SPATA6L: variants seen among roughly 807,000 people sequenced by gnomAD.
The protein encoded by SPATA6L is spermatogenesis associated 6-like protein.
SPATA6L carries 68 observed loss-of-function variants against 49.2 expected under a neutral mutation model. The ratio of observed to expected loss-of-function variants is 1.38; its 90% CI spans 1.14 to 1.69. SPATA6L has a LOEUF of 1.69. SPATA6L is among the 40% of genes most tolerant of loss of function. The pLI is 0.00. For missense variants in SPATA6L, 668 were observed against 464.3 expected (o/e 1.44, Z -4.03); for synonymous variants, 198 against 165.7 (o/e 1.19, Z -1.50).
intron 9 of SPATA6L, among the ~76,000 whole-genome samples, chr9:4,614,849 C>G (rs1827592080): frequency 6.6e-6 from 1 of 152,212 alleles, no homozygotes; most frequent in South Asian, 2.1e-4. Context: ...AAAGAATTTG[C>G]TGCCTCATCA....
At chr9:4,609,574 G>T (rs201622877) in intron 9 of SPATA6L, among the ~76,000 whole-genome samples, 1 of 151,790 alleles carries the variant, frequency 6.6e-6, no homozygotes, top group Non-Finnish European at 1.5e-5. Context: ...ATGCAGAAAA[G>T]GCCTTTGACA....
Position 4,662,418 on chromosome 9 carries a change from G to A in SPATA6L, c.40-382C>T. The stretch of plus-strand genomic sequence containing the variant: ...GAGCATGGAGGGACGGCCGCTGGGC[G>A]TCTCCGCTTCGAGCAGCAGCAGCAG... On this transcript the variant is annotated intron_variant, in intron 1 of 11. Transcript: ENST00000682582. The surrounding 1 kb of genome is among the most constrained non-coding windows in gnomAD (Gnocchi z 4.9). 6.5e-7 allele frequency: 1 copy of A among 1,538,190 alleles called. No individual in the cohort carries two copies. The highest frequency in any genetic ancestry group is 8.7e-7 in the Non-Finnish European group (1 of 1,150,388).
intron 7 of SPATA6L, among the ~76,000 whole-genome samples, chr9:4,619,833 C>T (rs1277426257): frequency 6.6e-6 from 1 of 151,888 alleles, no homozygotes; most frequent in Non-Finnish European, 1.5e-5. Flanking sequence ...GCAAGGATGA[C>T]TAGGAAATGA....
In SPATA6L at chr9:4,604,212, T is replaced by C. The variant is rs746178900; in HGVS notation, c.1147A>G (p.Lys383Glu). 1.2e-6 allele frequency: 2 copies of C among 1,612,366 alleles called. No homozygotes were observed. The highest frequency in any genetic ancestry group is 1.7e-6 in the Non-Finnish European group (2 of 1,178,904). The change falls in exon 11 of 12, where the codon AAA becomes GAA. Residue 383 changes from lysine (K) to glutamate (E), a missense_variant. Physicochemically the swap from Lys to Glu is moderately conservative, Grantham distance 56. Coordinates refer to ENST00000682582, the MANE Select transcript of SPATA6L (RefSeq NM_001353486.2). Reference protein sequence around the residue: ...IIERPSYPLKKYSLHEQRYF With the variant: ...IIERPSYPLKEYSLHEQRYF The stretch of plus-strand genomic sequence containing the variant: ...TATCTCTGTTCATGCAGTGAGTATT[T>C]CTTCAGAGGGTAGCTTGGTCTTTCA...
intron 5 of SPATA6L, chr9:4,626,516 G>A (rs1405999922): frequency 7.7e-7 from 1 of 1,304,312 alleles, no homozygotes; most frequent in Admixed American, 2.3e-5. Context: ...AAGCTTCTGT[G>A]TTCTTGCTGA....
chr9:4,605,836 G>C (rs558072983), intron 9 of SPATA6L, among the ~76,000 whole-genome samples: 2 of 152,330 alleles, frequency 1.3e-5, no homozygotes, highest in East Asian at 3.9e-4. Context: ...AACAGCTCCG[G>C]TCTCCAGCTC....
At chr9:4,642,887 A>T (rs1834344776) in intron 3 of SPATA6L, among the ~76,000 whole-genome samples, 1 of 152,236 alleles carries the variant, frequency 6.6e-6, no homozygotes, top group South Asian at 2.1e-4. Flanking sequence ...TTTATACAGA[A>T]GGAAAGAAAG....
At chr9:4,655,301 T>A (rs1415818077) in intron 3 of SPATA6L, among the ~76,000 whole-genome samples, 1 of 152,242 alleles carries the variant, frequency 6.6e-6, no homozygotes, top group African/African-American at 2.4e-5. Flanking sequence ...GAGCACATGT[T>A]GTATAATCTC....
chr9:4,655,943 C>A, intron 3 of SPATA6L, 98 bp downstream of exon 3: 1 of 936,518 alleles, frequency 1.1e-6, no homozygotes. Context: ...ATTCATCAAA[C>A]ATGAACATAT....
chr9:4,637,059 A>G (rs77019180), intron 3 of SPATA6L, among the ~76,000 whole-genome samples: 90 of 152,300 alleles, frequency 5.9e-4, no homozygotes, highest in Middle Eastern at 3.4e-3. Context: ...GCATTAGAAT[A>G]AAATCTAAGC....
chr9:4,640,326 G>T (rs1477620050), intron 3 of SPATA6L, among the ~76,000 whole-genome samples: 1 of 152,118 alleles, frequency 6.6e-6, no homozygotes, highest in South Asian at 2.1e-4. Flanking sequence ...TCATTCTTTA[G>T]CAGTAAAGCT....
chr9:4,623,375 T>C (rs1397233226), intron 6 of SPATA6L, among the ~76,000 whole-genome samples: 1 of 152,120 alleles, frequency 6.6e-6, no homozygotes, highest in Non-Finnish European at 1.5e-5. Flanking sequence ...AAGGAAAAAT[T>C]GGGTAACATG....
rs370931784 is a variant in SPATA6L at position 4,629,755 on chromosome 9, A to ATGTGTGTGTGTGTGTG, written c.352-588_352-587insCACACACACACACACA. Among the ~76,000 whole-genome samples, 18 of 125,432 alleles carry ATGTGTGTGTGTGTGTG rather than the reference A, an allele frequency of 1.4e-4. 1 individual carries two copies. Among genetic ancestry groups the ATGTGTGTGTGTGTGTG allele is most frequent in the Admixed American group, 4.4e-4 (5 of 11,316 alleles). The allele number at this position is 125,432 out of a possible 152,430, so 82.3% of individuals were successfully genotyped here. ...CTGTCTAAAATATTGTGTTTTATATATGTGTGTGTGTGTGTATATATATAT... is the reference window on the plus strand; with the variant it reads ...CTGTCTAAAATATTGTGTTTTATATATGTGTGTGTGTGTGTGTGTGTGTGTGTGTGTATATATATAT... On this transcript the variant is annotated intron_variant, in intron 4 of 11. Coordinates refer to ENST00000682582, the MANE Select transcript of SPATA6L (RefSeq NM_001353486.2).
intron 4 of SPATA6L, 29 bp downstream of exon 4, chr9:4,635,246 A>G: frequency 2.0e-6 from 3 of 1,489,318 alleles, no homozygotes; most frequent in African/African-American, 1.5e-5. Flanking sequence ...CTCTCCTAAT[A>G]GAAGCCCAGA....
At chr9:4,604,386 G>A (rs969444362) in intron 10 of SPATA6L, 117 bp from the exon 11 acceptor site, 103 of 636,274 alleles carry the variant, frequency 1.6e-4, no homozygotes, top group South Asian at 8.0e-4. Flanking sequence ...GCCGTTATAT[G>A]GGGTTCACTA....
At chr9:4,631,182 T>G (rs1412621453) in intron 4 of SPATA6L, among the ~76,000 whole-genome samples, 1 of 152,224 alleles carries the variant, frequency 6.6e-6, no homozygotes, top group Non-Finnish European at 1.5e-5. Flanking sequence ...TAGCATAACA[T>G]TATACTTTAG....
chr9:4,601,113 G>A (rs1823133819), intron 11 of SPATA6L, among the ~76,000 whole-genome samples: 1 of 152,134 alleles, frequency 6.6e-6, no homozygotes, highest in South Asian at 2.1e-4. Context: ...TGCCAAAATA[G>A]GTGTTATTCA....
rs1331789261 is a variant in SPATA6L at position 4,605,354 on chromosome 9, T to C, written c.1082A>G (p.Gln361Arg). 3.7e-6 allele frequency: 6 copies of C among 1,613,382 alleles called. No individual in the cohort carries two copies. The highest frequency in any genetic ancestry group is 2.2e-5 in the East Asian group (1 of 44,874). ...TTTATAAGAAAGTCTAACCTTGTTT[T>C]GGTGCAGCTGTGCTCTGTGGGATGT... ...LLTSHRAQLH[Q>R]NKEDSTSEVN... The change falls in exon 10 of 12, where the codon CAA becomes CGA. Residue 361 changes from glutamine to arginine, a missense_variant. Physicochemically the swap from Gln to Arg is conservative, Grantham distance 43. Coordinates refer to ENST00000682582, the MANE Select transcript of SPATA6L (RefSeq NM_001353486.2).
At chr9:4,648,482 A>G (rs1049046450) in intron 3 of SPATA6L, among the ~76,000 whole-genome samples, 50 of 151,812 alleles carry the variant, frequency 3.3e-4, no homozygotes, top group East Asian at 1.8e-3. Context: ...GGCGGATCAC[A>G]AGGTCAGGAG....
Sources: gnomAD v4.1 joint callset for allele counts (sites outside exome capture counted in the v4.1 genomes callset) on GRCh38, gnomAD v4.1.1 for gene constraint, Gnocchi (gnomAD v3.1) non-coding constraint, MANE v1.5 for transcripts, NCBI Gene and HGNC (gene_info 2026-07-23, HGNC 2026-07-21) for gene names.